Variants in C1orf87 observed in about 807,000 individuals in gnomAD.
C1orf87 encodes chromosome 1 open reading frame 87.
A neutral mutation model predicts 60.5 loss-of-function variants in C1orf87; 58 were observed. The observed-to-expected ratio is 0.96, with a 90% CI of 0.78 to 1.19. The LOEUF (loss-of-function observed/expected upper bound fraction) is 1.19. Among genes scored for constraint, C1orf87 ranks in the 50% most tolerant of loss-of-function variants. The probability of loss-of-function intolerance (pLI) is 0.00; values close to 1 mark genes in which losing one functional copy is unlikely to be tolerated. For missense variants in C1orf87, 673 were observed against 638.6 expected (o/e 1.05, Z -0.58); for synonymous variants, 236 against 227.4 (o/e 1.04, Z -0.34).
At chr1:60,001,687 G>A (rs367686164) in intron 9 of C1orf87, among the ~76,000 whole-genome samples, 1 of 152,046 alleles carries the variant, frequency 6.6e-6, no homozygotes, top group Non-Finnish European at 1.5e-5. Context: ...TTGAAGGGAC[G>A]TCTTCCTGTG....
At chr1:60,040,247 A>C in intron 4 of C1orf87, 67 bp from the exon 5 acceptor site, 1 of 1,543,310 alleles carries the variant, frequency 6.5e-7, no homozygotes, top group African/African-American at 1.4e-5. Context: ...AAAGCAAGGA[A>C]GCAGAGGCAC....
chr1:59,992,087 C>A (rs1183420579), intron 11 of C1orf87, among the ~76,000 whole-genome samples: 1 of 152,000 alleles, frequency 6.6e-6, no homozygotes, highest in Non-Finnish European at 1.5e-5. Flanking sequence ...CCAATATTAA[C>A]TAATTGAATC....
chr1:60,040,866 T>C (rs1645318687), intron 4 of C1orf87, 125 bp downstream of exon 4: 1 of 1,042,366 alleles, frequency 9.6e-7, no homozygotes, highest in African/African-American at 1.6e-5. Context: ...GTGCTGGCAT[T>C]ACAGGTGTAA....
chr1:60,025,212 T>C (rs759184227), intron 8 of C1orf87, among the ~76,000 whole-genome samples, 189 bp downstream of exon 8: 11 of 152,326 alleles, frequency 7.2e-5, no homozygotes, highest in South Asian at 4.1e-4. Flanking sequence ...GAAACTCTTA[T>C]GTCTGTTCCT....
At chr1:60,027,021 A>G (rs1413911462) in intron 7 of C1orf87, among the ~76,000 whole-genome samples, 1 of 152,242 alleles carries the variant, frequency 6.6e-6, no homozygotes, top group Non-Finnish European at 1.5e-5. Context: ...CAAAACGTTC[A>G]AAATCCAAAA....
intron 11 of C1orf87, among the ~76,000 whole-genome samples, chr1:59,993,846 C>T (rs531546330): frequency 5.2e-4 from 79 of 151,004 alleles, no homozygotes; most frequent in Non-Finnish European, 9.0e-4. Context: ...GCAACCTCCA[C>T]TTCCTGGGTT....
In C1orf87 at chr1:60,038,051, C is replaced by A; in HGVS notation, c.804G>T (p.Gln268His). 1 of 1,610,398 alleles carries A rather than the reference C, an allele frequency of 6.2e-7. No individual in the cohort carries two copies. The change falls in exon 6 of 12, where the codon CAG becomes CAT. Residue 268 changes from glutamine (Q) to histidine (H), a missense_variant. Transcript: ENST00000371201. ...TCAGGTCTGCAGCTGCTTTATTTTG[C>A]TGTGGATAATCTGATGCTGCACTGT... is the stretch of plus-strand genomic sequence containing the variant. ...FLNSAASDYPQQNKAAADLRK... is the reference protein window; with the variant it reads ...FLNSAASDYPHQNKAAADLRK...
chr1:60,006,450 G>A (rs1645046071), intron 9 of C1orf87, among the ~76,000 whole-genome samples: 1 of 152,036 alleles, frequency 6.6e-6, no homozygotes, highest in East Asian at 1.9e-4. Context: ...GTAAAAGGGA[G>A]GCCAAGCCTT....
At chr1:60,067,240 A>G (rs530497919) in intron 2 of C1orf87, among the ~76,000 whole-genome samples, 31 of 152,304 alleles carry the variant, frequency 2.0e-4, no homozygotes, top group African/African-American at 5.8e-4. Flanking sequence ...GAATCACCAC[A>G]CTGTCTTCCA....
At chr1:59,999,537 T>C (rs1469430951) in intron 10 of C1orf87, among the ~76,000 whole-genome samples, 1 of 152,118 alleles carries the variant, frequency 6.6e-6, no homozygotes, top group Non-Finnish European at 1.5e-5. Context: ...TTTCTTTAGA[T>C]AGTTCAACAC....
intron 1 of C1orf87, among the ~76,000 whole-genome samples, chr1:60,072,891 A>G (rs1645593897): frequency 6.6e-6 from 1 of 152,176 alleles, no homozygotes; most frequent in Non-Finnish European, 1.5e-5. Flanking sequence ...TATATGACTT[A>G]CTCACATCAC....
At chr1:60,067,109 G>T (rs972498443) in intron 2 of C1orf87, among the ~76,000 whole-genome samples, 2 of 152,124 alleles carry the variant, frequency 1.3e-5, no homozygotes, top group Admixed American at 6.5e-5. Flanking sequence ...TCCAAGTCTT[G>T]CTATTGTGAA....
chr1:60,009,553 C>T (rs1224828527), intron 9 of C1orf87, among the ~76,000 whole-genome samples: 3 of 151,998 alleles, frequency 2.0e-5, no homozygotes, highest in South Asian at 4.2e-4. Context: ...TAGTAAATTC[C>T]CTCTGCTTGA....
intron 9 of C1orf87, among the ~76,000 whole-genome samples, chr1:60,002,640 G>T (rs1330736323): frequency 6.6e-6 from 1 of 151,998 alleles, no homozygotes; most frequent in Non-Finnish European, 1.5e-5. Flanking sequence ...AGTTTAATTA[G>T]ATCCCATTTG....
intron 7 of C1orf87, among the ~76,000 whole-genome samples, chr1:60,025,931 T>C (rs1168592521): frequency 6.6e-6 from 1 of 152,208 alleles, no homozygotes; most frequent in Non-Finnish European, 1.5e-5. Flanking sequence ...CTACATTTTA[T>C]ATATGAGGAA....
intron 6 of C1orf87, among the ~76,000 whole-genome samples, chr1:60,036,951 C>T (rs750115709): frequency 2.6e-5 from 4 of 152,152 alleles, no homozygotes; most frequent in South Asian, 2.1e-4. Flanking sequence ...GCTCTGCACC[C>T]GTACACAATC....
intron 2 of C1orf87, among the ~76,000 whole-genome samples, chr1:60,063,486 A>G (rs919156525): frequency 7.9e-5 from 12 of 152,130 alleles, no homozygotes; most frequent in East Asian, 1.9e-4. Context: ...CAATTTTCCA[A>G]TGGTTTCCCA....
At chr1:60,009,428 A>G (rs982528488) in intron 9 of C1orf87, among the ~76,000 whole-genome samples, 3 of 152,028 alleles carry the variant, frequency 2.0e-5, no homozygotes, top group Admixed American at 6.6e-5. Flanking sequence ...ATAAACTTCT[A>G]TTGTTTTAAG....
chr1:60,013,773 G>C (rs1430457326), intron 8 of C1orf87, among the ~76,000 whole-genome samples: 2 of 151,340 alleles, frequency 1.3e-5, no homozygotes, highest in African/African-American at 4.9e-5. Flanking sequence ...ATTTCCTTTG[G>C]CCTTGCTCAC....
Sources: allele counts gnomAD v4.1 joint callset (sites outside exome capture counted in the v4.1 genomes callset), GRCh38; gene constraint gnomAD v4.1.1; transcripts MANE v1.5; gene names NCBI Gene and HGNC (gene_info 2026-07-23, HGNC 2026-07-21).